The following SORCS1 variants were observed in gnomAD, a reference collection of about 807,000 sequenced individuals.
SORCS1 encodes the protein VPS10 domain-containing receptor SorCS1.
A neutral mutation model predicts 146.1 loss-of-function variants in SORCS1; 60 were observed. The observed-to-expected ratio is 0.41, with a 90% CI of 0.33 to 0.51. The LOEUF (loss-of-function observed/expected upper bound fraction) is 0.51. Ranked by LOEUF, SORCS1 falls within the 20% of genes least tolerant of loss-of-function variation. SORCS1 has a pLI of 0.21. For synonymous variants in SORCS1, 637 were observed against 584.0 expected, an observed-to-expected ratio of 1.09 and a Z score of -1.31; for missense variants, 1,352 against 1,487.6, an observed-to-expected ratio of 0.91 and a Z score of 1.50.
chr10:106,665,707 C>T (rs989696780), intron 17 of SORCS1, among the ~76,000 whole-genome samples: 2 of 152,076 alleles, frequency 1.3e-5, no homozygotes, highest in African/African-American at 2.4e-5. Context: ...CTTAGCCTAA[C>T]CAAAATGACT....
chr10:106,595,914 T>G (rs1845877364), intron 24 of SORCS1, among the ~76,000 whole-genome samples: 2 of 152,250 alleles, frequency 1.3e-5, no homozygotes, highest in South Asian at 4.1e-4. Flanking sequence ...GCTTTAAATT[T>G]CCTATACAGC....
chr10:107,055,763 C>T (rs1229411741), intron 1 of SORCS1, among the ~76,000 whole-genome samples: 4 of 152,082 alleles, frequency 2.6e-5, no homozygotes. Context: ...GTGGTTTCTT[C>T]AGAAATAGAG....
At chr10:106,670,519 G>A (rs1422015687) in intron 16 of SORCS1, among the ~76,000 whole-genome samples, 1 of 152,124 alleles carries the variant, frequency 6.6e-6, no homozygotes, top group African/African-American at 2.4e-5. Context: ...AGCTAACTAC[G>A]AATCGAAAAC....
At position 107,028,947 on chromosome 10, in the gene SORCS1, C is replaced by T. The variant is rs541067770; in HGVS notation, c.559-72367G>A. 5.3e-5 allele frequency among the ~76,000 whole-genome samples: 8 copies of T among 152,258 alleles called. No individual in the cohort carries two copies. The South Asian group carries it at 8.3e-4, about 16-fold the overall frequency. On this transcript the variant is annotated intron_variant, in intron 1 of 25. Transcript: ENST00000263054. ...GAATCAGTTGGACTAGACAATCTCTCGGGTCTTTTGGCTCAATGGTTTGTG... is the reference window on the plus strand; with the variant it reads ...GAATCAGTTGGACTAGACAATCTCTTGGGTCTTTTGGCTCAATGGTTTGTG...
At chr10:107,161,086 C>T (rs1365349631) in intron 1 of SORCS1, among the ~76,000 whole-genome samples, 1 of 152,126 alleles carries the variant, frequency 6.6e-6, no homozygotes, top group Non-Finnish European at 1.5e-5. Context: ...ACATCACACC[C>T]ACAGACGAGG....
rs1373819684 is a variant in SORCS1, at chr10:106,849,032, TTCA to T, written c.627-19362_627-19360del. On this transcript the variant is annotated intron_variant, in intron 2 of 25. Coordinates refer to ENST00000263054, the MANE Select transcript of SORCS1 (RefSeq NM_052918.5). ...CTGCCCTTAACATTTTTTCCTTCAT[TTCA>T]ACTTTGGTGAATCTGACAATTATGT... Among the ~76,000 whole-genome samples the T allele has an allele frequency of 2.7e-3, 410 of 149,842 alleles. 1 individual carries two copies. The highest frequency in any genetic ancestry group is 4.1e-3 in the Non-Finnish European group (278 of 66,996).
At chr10:106,768,475 C>A (rs1237125215) in intron 4 of SORCS1, among the ~76,000 whole-genome samples, 1 of 152,198 alleles carries the variant, frequency 6.6e-6, no homozygotes, top group Non-Finnish European at 1.5e-5. Context: ...TTGTCTTTAT[C>A]TCAATCTTGC....
At chr10:106,617,430 A>G (rs1564782985) in intron 21 of SORCS1, among the ~76,000 whole-genome samples, 1 of 152,234 alleles carries the variant, frequency 6.6e-6, no homozygotes, top group East Asian at 1.9e-4. Flanking sequence ...TGTACTAGTA[A>G]CACTTAGTGC....
chr10:106,998,109 C>T lies in SORCS1; in HGVS notation c.559-41529G>A, dbSNP rs370838207. On this transcript the variant is annotated intron_variant, in intron 1 of 25. Transcript: ENST00000263054. ...GCCTCCTTGTGCGAATGTCAGGCCCCATAATTTCATAAACATATTCTAATA... is the reference window on the plus strand; with the variant it reads ...GCCTCCTTGTGCGAATGTCAGGCCCTATAATTTCATAAACATATTCTAATA... 9.5e-4 allele frequency among the ~76,000 whole-genome samples: 144 copies of T among 152,348 alleles called. 1 individual carries two copies. The South Asian group carries it at 0.029, about 31-fold the overall frequency.
intron 2 of SORCS1, among the ~76,000 whole-genome samples, chr10:106,840,863 ATTT>A (rs59611702): frequency 0.011 from 1,400 of 124,134 alleles, 36 homozygotes; most frequent in East Asian, 0.11. Flanking sequence ...ATATATATAT[ATTT>A]TTTTTTTTTG....
chr10:107,147,551 C>T (rs1385590841), intron 1 of SORCS1, among the ~76,000 whole-genome samples: 2 of 152,142 alleles, frequency 1.3e-5, no homozygotes, highest in Non-Finnish European at 2.9e-5. Context: ...TCCTGTGTCT[C>T]ATTTTTGGCC....
chr10:107,073,765 C>T (rs1962643656), intron 1 of SORCS1, among the ~76,000 whole-genome samples: 2 of 152,062 alleles, frequency 1.3e-5, no homozygotes, highest in African/African-American at 4.8e-5. Flanking sequence ...CCCATAAAAA[C>T]AATAAAGAAA....
At chr10:107,117,791 A>G (rs1966135784) in intron 1 of SORCS1, among the ~76,000 whole-genome samples, 1 of 152,184 alleles carries the variant, frequency 6.6e-6, no homozygotes, top group Non-Finnish European at 1.5e-5. Flanking sequence ...TTGGAAGCAC[A>G]TAATATGTTT....
chr10:106,937,422 C>T (rs1189183254), intron 2 of SORCS1, among the ~76,000 whole-genome samples: 2 of 151,710 alleles, frequency 1.3e-5, no homozygotes, highest in Non-Finnish European at 2.9e-5. Context: ...AAGTAATCCA[C>T]CCTTGTCGGC....
chr10:106,631,537 C>T (rs750367926), intron 18 of SORCS1, among the ~76,000 whole-genome samples: 1 of 152,148 alleles, frequency 6.6e-6, no homozygotes, highest in Non-Finnish European at 1.5e-5. Flanking sequence ...GCAAGGGTAT[C>T]TGGGGTTATC....
chr10:107,030,399 T>C (rs572769067), intron 1 of SORCS1, among the ~76,000 whole-genome samples: 2 of 152,312 alleles, frequency 1.3e-5, no homozygotes, highest in Admixed American at 1.3e-4. Flanking sequence ...CTGAGGTCAA[T>C]TTGTAAACCC....
chr10:106,673,412 G>C (rs780859106), intron 14 of SORCS1, among the ~76,000 whole-genome samples: 1 of 152,148 alleles, frequency 6.6e-6, no homozygotes, highest in South Asian at 2.1e-4. Context: ...TTACAGGTGT[G>C]AGCCACCGCA....
intron 2 of SORCS1, among the ~76,000 whole-genome samples, chr10:106,951,071 A>G (rs1032535537): frequency 2.6e-5 from 4 of 152,126 alleles, no homozygotes; most frequent in African/African-American, 7.2e-5. Flanking sequence ...GTGAAAGTCT[A>G]TTTACATTAT....
chr10:106,577,437 C>T lies in SORCS1; in HGVS notation c.3490G>A (p.Ala1164Thr), dbSNP rs749490452. ...PSTPKRGSAGAQYAI is the reference protein window; with the variant it reads ...PSTPKRGSAGTQYAI ...GGTTTTCCTTAAATTGCATACTGTG[C>T]CCCAGCAGATCCCCGCTTTGGCGTT... The change falls in exon 26 of 26, where the codon GCA becomes ACA. Residue 1164 changes from alanine (A) to threonine (T), a missense_variant. Coordinates refer to ENST00000263054, the MANE Select transcript of SORCS1 (RefSeq NM_052918.5). 6.2e-7 allele frequency: 1 copy of T among 1,613,938 alleles called. No individual in the cohort carries two copies. The highest frequency in any genetic ancestry group is 8.5e-7 in the Non-Finnish European group (1 of 1,179,906).
Sources: gnomAD v4.1 joint callset for allele counts (sites outside exome capture counted in the v4.1 genomes callset) on GRCh38, gnomAD v4.1.1 for gene constraint, MANE v1.5 for transcripts, NCBI Gene and HGNC (gene_info 2026-07-23, HGNC 2026-07-21) for gene names.